Variants in OXR1 observed in about 807,000 individuals in gnomAD.
The protein encoded by OXR1 is oxidation resistance protein 1.
Under a neutral mutation model 104.6 loss-of-function variants are expected in OXR1, and 41 were observed. The ratio of observed to expected loss-of-function variants is 0.39; its 90% confidence interval spans 0.31 to 0.51. The LOEUF (loss-of-function observed/expected upper bound fraction) is 0.51. Ranked by LOEUF, OXR1 falls within the 20% of genes least tolerant of loss-of-function variation. The pLI is 0.77. For synonymous variants in OXR1, 348 were observed against 348.4 expected, an observed-to-expected ratio of 1.00 and a Z score of 0.01; for missense variants, 955 against 1,031.9, an observed-to-expected ratio of 0.93 and a Z score of 1.02.
At chr8:106,493,614 T>G (rs1276470635) in intron 2 of OXR1, among the ~76,000 whole-genome samples, 1 of 152,092 alleles carries the variant, frequency 6.6e-6, no homozygotes, top group East Asian at 1.9e-4. Context: ...ACGTTTTTGC[T>G]CTTTTGGGAC....
intron 2 of OXR1, among the ~76,000 whole-genome samples, chr8:106,457,997 A>G (rs1820695675): frequency 6.6e-6 from 1 of 152,164 alleles, no homozygotes; most frequent in Non-Finnish European, 1.5e-5. Flanking sequence ...TTTATAGCTA[A>G]AAAATAAGAA....
intron 2 of OXR1, among the ~76,000 whole-genome samples, chr8:106,493,046 T>A (rs73699513): frequency 9.6e-4 from 146 of 152,278 alleles, no homozygotes; most frequent in African/African-American, 3.4e-3. Flanking sequence ...CTAGGAGACT[T>A]TTTTTTAAAA....
intron 2 of OXR1, among the ~76,000 whole-genome samples, chr8:106,377,409 C>T (rs1207579682): frequency 1.3e-5 from 2 of 152,104 alleles, no homozygotes; most frequent in East Asian, 3.9e-4. Context: ...TGATCCCAAA[C>T]TCCTGGCTTC....
intron 1 of OXR1, among the ~76,000 whole-genome samples, chr8:106,287,980 G>A (rs1006207530): frequency 1.3e-5 from 2 of 152,184 alleles, no homozygotes; most frequent in East Asian, 1.9e-4. Context: ...ACTTCTGTGC[G>A]ATGGAGTTTC....
intron 2 of OXR1, among the ~76,000 whole-genome samples, chr8:106,392,855 A>G (rs1408729723): frequency 6.6e-6 from 1 of 152,204 alleles, no homozygotes; most frequent in Admixed American, 6.6e-5. Context: ...CAATAGATGT[A>G]CCAACTCAAT....
At chr8:106,651,690 A>G (rs902858303) in intron 3 of OXR1, among the ~76,000 whole-genome samples, 15 of 152,184 alleles carry the variant, frequency 9.9e-5, no homozygotes, top group African/African-American at 3.6e-4. Context: ...GAAATTGGGA[A>G]GTATGAGTCC....
chr8:106,644,851 GT>G (rs1823944767), intron 3 of OXR1, among the ~76,000 whole-genome samples: 1 of 152,078 alleles, frequency 6.6e-6, no homozygotes, highest in Non-Finnish European at 1.5e-5. Context: ...AAAAATTGAG[GT>G]TCCTGAGTTC....
intron 3 of OXR1, among the ~76,000 whole-genome samples, chr8:106,636,506 T>G (rs1368181624): frequency 2.0e-5 from 3 of 152,186 alleles, no homozygotes; most frequent in African/African-American, 7.2e-5. Context: ...TCCCCAGAGA[T>G]AGACACTATG....
chr8:106,590,230 T>G (rs902609866), intron 3 of OXR1, among the ~76,000 whole-genome samples: 1 of 152,232 alleles, frequency 6.6e-6, no homozygotes, highest in Admixed American at 6.5e-5. Context: ...TATTATTCTT[T>G]CCCCATTTCC....
chr8:106,393,486 A>G (rs2211924), intron 2 of OXR1, among the ~76,000 whole-genome samples: 90,944 of 151,946 alleles, frequency 0.6, 27,772 homozygotes, highest in Middle Eastern at 0.66. Flanking sequence ...TTAACAGTCT[A>G]TGTTAAAAGT....
At chr8:106,576,729 A>G (rs1395841806) in intron 3 of OXR1, among the ~76,000 whole-genome samples, 1 of 152,156 alleles carries the variant, frequency 6.6e-6, no homozygotes, top group East Asian at 1.9e-4. Context: ...GATCATAGTG[A>G]CTATGATGGC....
chr8:106,606,639 A>G (rs1820421665), intron 3 of OXR1, among the ~76,000 whole-genome samples: 1 of 151,924 alleles, frequency 6.6e-6, no homozygotes, highest in Non-Finnish European at 1.5e-5. Flanking sequence ...ATCATATGAT[A>G]GCTCTTGCTT....
At chr8:106,620,913 A>G (rs982431593) in intron 3 of OXR1, among the ~76,000 whole-genome samples, 1 of 152,246 alleles carries the variant, frequency 6.6e-6, no homozygotes, top group Non-Finnish European at 1.5e-5. Context: ...GATCAACATT[A>G]AATGAAACAT....
intron 3 of OXR1, among the ~76,000 whole-genome samples, chr8:106,663,121 A>T (rs1327162756): frequency 6.6e-6 from 1 of 152,216 alleles, no homozygotes; most frequent in Non-Finnish European, 1.5e-5. Context: ...AGTGGTACTC[A>T]GCCTATAGCA....
intron 14 of OXR1, among the ~76,000 whole-genome samples, chr8:106,741,585 T>G (rs560323422): frequency 6.6e-6 from 1 of 152,154 alleles, no homozygotes; most frequent in Non-Finnish European, 1.5e-5. Context: ...AATGTCAGGA[T>G]AGACAGTGAC....
intron 7 of OXR1, chr8:106,697,627 A>T: frequency 6.2e-7 from 1 of 1,613,658 alleles, no homozygotes; most frequent in Non-Finnish European, 8.5e-7. Context: ...CAGATTCCTC[A>T]GCGTCCGCTG....
chr8:106,700,937 A>G (rs1010034131), intron 7 of OXR1, among the ~76,000 whole-genome samples: 1 of 152,012 alleles, frequency 6.6e-6, no homozygotes, highest in African/African-American at 2.4e-5. Flanking sequence ...AAGATGGGAG[A>G]GAGAAAGTTA....
rs540012845 is a variant in OXR1 at position 106,557,208 on chromosome 8, G to A, written c.220+38069G>A. Among the ~76,000 whole-genome samples, 19 of 152,234 alleles carry A rather than the reference G, an allele frequency of 1.2e-4. No individual in the cohort carries two copies. The South Asian group carries it at 3.9e-3, about 32-fold the overall frequency. On this transcript the variant is annotated intron_variant, in intron 3 of 16. Coordinates refer to ENST00000517566, the MANE Select transcript of OXR1 (RefSeq NM_001198533.2). ...CTAATTGAGGAAATATACCTGAAAA[G>A]CTGATCAACAGGATTTAAAGACATC...
At chr8:106,540,327 A>G (rs1363290708) in intron 3 of OXR1, among the ~76,000 whole-genome samples, 14 of 152,200 alleles carry the variant, frequency 9.2e-5, no homozygotes. Context: ...AAAGATCACT[A>G]TTTAGCTTAA....
Sources: allele counts gnomAD v4.1 joint callset (sites outside exome capture counted in the v4.1 genomes callset), GRCh38; gene constraint gnomAD v4.1.1; transcripts MANE v1.5; gene names NCBI Gene and HGNC (gene_info 2026-07-23, HGNC 2026-07-21).